Variants in FANCM observed in about 807,000 individuals in gnomAD.
FANCM encodes the protein Fanconi anemia group M protein.
In FANCM, 140 loss-of-function variants were observed where a neutral mutation model predicts 199.5. The observed-to-expected ratio is 0.70, with a 90% CI of 0.61 to 0.81. The LOEUF is 0.81. Ranked by LOEUF, FANCM falls within the 30% of genes least tolerant of loss-of-function variation. The probability of loss-of-function intolerance (pLI) is 0.00; values close to 1 mark genes in which losing one functional copy is unlikely to be tolerated. For synonymous variants in FANCM, 840 were observed against 836.8 expected, an observed-to-expected ratio of 1.00 and a Z score of -0.07; for missense variants, 2,410 against 2,421.4, an observed-to-expected ratio of 1.00 and a Z score of 0.10.
intron 5 of FANCM, 37 bp from the exon 6 acceptor site, chr14:45,153,882 AT>A: frequency 6.3e-7 from 1 of 1,575,754 alleles, no homozygotes; most frequent in Non-Finnish European, 8.7e-7. Flanking sequence ...ATGTTCATTT[AT>A]TTCTCTGGTT....
chr14:45,191,727 ATTT>A (rs1889779954), intron 20 of FANCM, among the ~76,000 whole-genome samples: 2 of 152,214 alleles, frequency 1.3e-5, no homozygotes. Context: ...AGGAGAAAGA[ATTT>A]TTTGAGGTAA....
intron 12 of FANCM, among the ~76,000 whole-genome samples, chr14:45,172,078 T>C (rs1417138859): frequency 1.3e-5 from 2 of 152,144 alleles, no homozygotes; most frequent in Non-Finnish European, 1.5e-5. Flanking sequence ...TGGTATTGTA[T>C]TGTGGTTTTG....
intron 14 of FANCM, among the ~76,000 whole-genome samples, chr14:45,181,046 C>A (rs1031802378): frequency 6.6e-6 from 1 of 152,060 alleles, no homozygotes; most frequent in Non-Finnish European, 1.5e-5. Context: ...TTAACTCTTT[C>A]AAGTAGAAAG....
chr14:45,137,106 C>G lies in FANCM; in HGVS notation c.546C>G (p.Cys182Trp), dbSNP rs774433660. 6.2e-7 allele frequency: 1 copy of G among 1,613,074 alleles called. No individual in the cohort carries two copies. Among genetic ancestry groups the G allele is most frequent in the South Asian group, 1.1e-5 (1 of 91,060 alleles). Residue 182 changes from cysteine to tryptophan, a missense_variant, in exon 2 of 23, where the codon TGC (cysteine) becomes TGG (tryptophan). Coordinates refer to ENST00000267430, the MANE Select transcript of FANCM (RefSeq NM_020937.4). ...TQASTRKEIW[C>W]SKRVLFLTPQ... ...CTTCCACCAGGAAGGAAATATGGTGCAGTAAGAGAGTGCTTTTTCTTACAC... is the reference window on the plus strand; with the variant it reads ...CTTCCACCAGGAAGGAAATATGGTGGAGTAAGAGAGTGCTTTTTCTTACAC...
At chr14:45,186,012 CTTT>C (rs1191658873) in intron 18 of FANCM, among the ~76,000 whole-genome samples, 1 of 152,144 alleles carries the variant, frequency 6.6e-6, no homozygotes, top group Non-Finnish European at 1.5e-5. Flanking sequence ...GATTCTCCTG[CTTT>C]AGCCTCCTAT....
At chr14:45,174,973 A>T in intron 13 of FANCM, 98 bp from the exon 14 acceptor site, 1 of 679,724 alleles carries the variant, frequency 1.5e-6, no homozygotes, top group African/African-American at 1.8e-5. Context: ...CAATGTAATA[A>T]TATAAATATT....
chr14:45,189,587 T>C (rs1594815915), intron 20 of FANCM, among the ~76,000 whole-genome samples: 1 of 152,202 alleles, frequency 6.6e-6, no homozygotes, highest in Non-Finnish European at 1.5e-5. Flanking sequence ...TTGTTAACAC[T>C]ATGTAAGGAA....
Position 45,159,521 on chromosome 14 carries a change from T to C in FANCM, c.1581+241T>C, listed in dbSNP as rs570974095. Among the ~76,000 whole-genome samples, 6 of 152,244 alleles carry C rather than the reference T, an allele frequency of 3.9e-5. No homozygotes were observed. The East Asian group carries it at 5.8e-4, about 15-fold the overall frequency. Reference sequence around the variant, plus strand: ...GTTAAGCAGAAAAGCTGTGGAATTATATTAACTGGGTTGGAATCCTGACTC... The same window carrying C: ...GTTAAGCAGAAAAGCTGTGGAATTACATTAACTGGGTTGGAATCCTGACTC... On this transcript the variant is annotated intron_variant, in intron 9 of 22. Transcript: ENST00000267430.
Position 45,181,531 on chromosome 14 carries a change from C to G in FANCM, c.4317+7C>G, listed in dbSNP as rs1411847222. 4 of 1,571,616 alleles carry G rather than the reference C, an allele frequency of 2.5e-6. No homozygotes were observed. Among genetic ancestry groups the G allele is most frequent in the Non-Finnish European group, 8.8e-7 (1 of 1,141,472 alleles). On this transcript the variant is annotated splice_region_variant and intron_variant, in intron 15 of 22. Transcript: ENST00000267430. ...TGTTTTAAACTCTCCTGAGGTGAGT[C>G]ATTCAGTAATCACAATAGTATAATC...
intron 8 of FANCM, among the ~76,000 whole-genome samples, chr14:45,156,047 A>C (rs1887164468): frequency 6.6e-6 from 1 of 152,192 alleles, no homozygotes; most frequent in South Asian, 2.1e-4. Context: ...GTAAAAGAGT[A>C]AAGTAGATTA....
At chr14:45,186,982 G>T (rs1229488586) in intron 18 of FANCM, among the ~76,000 whole-genome samples, 11 of 152,164 alleles carry the variant, frequency 7.2e-5, no homozygotes, top group African/African-American at 2.7e-4. Context: ...TACCAAGATA[G>T]TAGCACTGAG....
intron 21 of FANCM, chr14:45,198,389 A>C: frequency 6.4e-6 from 2 of 311,160 alleles, no homozygotes; most frequent in Non-Finnish European, 1.2e-5. Context: ...GGCCTTCAGG[A>C]GTGAATTATC....
At chr14:45,163,308 T>C (rs1158377329) in intron 9 of FANCM, among the ~76,000 whole-genome samples, 1 of 152,226 alleles carries the variant, frequency 6.6e-6, no homozygotes, top group Non-Finnish European at 1.5e-5. Flanking sequence ...TATAAAGTAC[T>C]TAGTTTGGTA....
At chr14:45,147,900 C>G (rs1160884610) in intron 3 of FANCM, among the ~76,000 whole-genome samples, 1 of 145,468 alleles carries the variant, frequency 6.9e-6, no homozygotes, top group Non-Finnish European at 1.5e-5. Flanking sequence ...CCAAACCGCC[C>G]CCCCCCCAAA....
chr14:45,156,324 G>A (rs925201918), intron 8 of FANCM, among the ~76,000 whole-genome samples: 12 of 152,088 alleles, frequency 7.9e-5, no homozygotes, highest in African/African-American at 2.7e-4. Flanking sequence ...TAGATGAGAG[G>A]TATGCAGATA....
In FANCM at chr14:45,200,090, T is replaced by C; in HGVS notation, c.*82T>C. 6.4e-6 allele frequency: 5 copies of C among 785,212 alleles called. No individual in the cohort carries two copies. The highest frequency in any genetic ancestry group is 8.0e-6 in the Non-Finnish European group (4 of 501,156). 48.6% of individuals were successfully genotyped at this position (785,212 alleles called of 1,614,324 possible). On this transcript the variant is annotated 3_prime_UTR_variant, in exon 23 of 23. Coordinates refer to ENST00000267430, the MANE Select transcript of FANCM (RefSeq NM_020937.4). ...ATAATCATTGCTGTTTTATGTTTATTTGTAAATAAGAGAATATTTTATTTA... is the reference window on the plus strand; with the variant it reads ...ATAATCATTGCTGTTTTATGTTTATCTGTAAATAAGAGAATATTTTATTTA...
At position 45,154,747 on chromosome 14, in the gene FANCM, C is replaced by CT; in HGVS notation, c.1235dup (p.Tyr413LeufsTer2). 1.2e-6 allele frequency: 2 copies of CT among 1,603,702 alleles called. No individual in the cohort carries two copies. The highest frequency in any genetic ancestry group is 1.7e-6 in the Non-Finnish European group (2 of 1,172,524). ...TGGCCGAAATGAAGACTTCATGAAA[C>CT]TCTATAATCATCTAGAGTGTATGTT... On this transcript the variant is annotated frameshift_variant, in exon 7 of 23. Transcript: ENST00000267430. LOFTEE classifies it high-confidence loss of function.
chr14:45,172,449 G>T (rs1302414410), intron 12 of FANCM, among the ~76,000 whole-genome samples: 1 of 152,112 alleles, frequency 6.6e-6, no homozygotes, highest in Non-Finnish European at 1.5e-5. Context: ...TGAGGATCCA[G>T]TTTCATTCTT....
At position 45,181,745 on chromosome 14, in the gene FANCM, T is replaced by C. The variant is rs754767485; in HGVS notation, c.4386+40T>C. 2.3e-6 allele frequency: 3 copies of C among 1,326,114 alleles called. No individual in the cohort carries two copies. The East Asian group carries it at 6.9e-5, about 31-fold the overall frequency. 82.1% of individuals were successfully genotyped at this position (1,326,114 alleles called of 1,614,324 possible). On this transcript the variant is annotated intron_variant, in intron 16 of 22. Transcript: ENST00000267430. ...GGTAATGTATAGTAATCCAAATTCC[T>C]TTGGAATAAAAATTTTGAGAGAAAT...
Sources: gnomAD v4.1 joint callset for allele counts (sites outside exome capture counted in the v4.1 genomes callset) on GRCh38, gnomAD v4.1.1 for gene constraint, MANE v1.5 for transcripts, NCBI Gene and HGNC (gene_info 2026-07-23, HGNC 2026-07-21) for gene names.